DSE: variants seen among roughly 807,000 people sequenced by gnomAD.
The protein encoded by DSE is dermatan sulfate epimerase, also known as dermatan-sulfate epimerase.
In DSE, 36 loss-of-function variants were observed where a neutral mutation model predicts 84.4. That is an observed-to-expected ratio of 0.43 (90% CI 0.33 to 0.56). The LOEUF (loss-of-function observed/expected upper bound fraction) is 0.56, where lower values mean the gene tolerates loss of function less well. Ranked by LOEUF, DSE falls within the 20% of genes least tolerant of loss-of-function variation. The pLI is 0.06. For synonymous variants in DSE, 410 were observed against 430.1 expected (o/e 0.95, Z 0.58); for missense variants, 862 against 1,169.6 (o/e 0.74, Z 3.84).
At chr6:116,369,844 T>TA, upstream of DSE, 1 of 1,173,176 alleles carries the variant, frequency 8.5e-7, no homozygotes, top group Non-Finnish European at 1.1e-6. Flanking sequence ...CCTCTGAGGA[T>TA]AGAGGAATTG....
intron 2 of DSE, among the ~76,000 whole-genome samples, chr6:116,267,730 T>C (rs1203023690): frequency 6.6e-6 from 1 of 152,142 alleles, no homozygotes; most frequent in African/African-American, 2.4e-5. Context: ...TGCCTGAGAC[T>C]GGGTAATTTA....
chr6:116,408,296 T>C (rs1162927274), intron 2 of DSE, among the ~76,000 whole-genome samples: 2 of 152,166 alleles, frequency 1.3e-5, no homozygotes, highest in African/African-American at 4.8e-5. Context: ...GCAAAACTGT[T>C]ATAGGTTGTT....
chr6:116,299,547 TATATACAC>T (rs1166576567), intron 2 of DSE, among the ~76,000 whole-genome samples: 1,093 of 49,892 alleles, frequency 0.022, 46 homozygotes, highest in East Asian at 0.054. Context: ...TATATATATA[TATATACAC>T]ATACACACAC....
chr6:116,407,629 A>G (rs1270183832), intron 2 of DSE, among the ~76,000 whole-genome samples: 1 of 151,972 alleles, frequency 6.6e-6, no homozygotes, highest in Non-Finnish European at 1.5e-5. Context: ...TATGCTCATT[A>G]TTTACCCATA....
chr6:116,431,174 G>A lies in DSE; in HGVS notation c.891G>A (p.Met297Ile), dbSNP rs768909519. The change falls in exon 4 of 6, where the codon ATG becomes ATA. Residue 297 changes from methionine (M) to isoleucine (I), a missense_variant. Physicochemically the swap from Met to Ile is conservative, Grantham distance 10. This residue lies in a region of DSE where 309 missense variants were observed against 516.9 expected (regional missense o/e 0.60). Coordinates refer to ENST00000644252, the MANE Select transcript of DSE (RefSeq NM_013352.4). Reference sequence around the variant, plus strand: ...GGCTTAAACAACACTTTGCATTTATGTATAGAACCATCCTGCCAGGTATAG... The same window carrying A: ...GGCTTAAACAACACTTTGCATTTATATATAGAACCATCCTGCCAGGTATAG... The part of the protein sequence containing the change: ...HPWLKQHFAF[M>I]YRTILPGFQR... 9.3e-6 allele frequency: 15 copies of A among 1,614,166 alleles called. No individual in the cohort carries two copies. The East Asian group carries it at 2.5e-4, about 26-fold the overall frequency.
intron 2 of DSE, among the ~76,000 whole-genome samples, chr6:116,307,552 A>G (rs1021241845): frequency 2.0e-5 from 3 of 152,246 alleles, no homozygotes; most frequent in African/African-American, 7.2e-5. Flanking sequence ...GTTTTTAAAA[A>G]TGAGATGCTG....
rs1182878832 is a variant in DSE at position 116,437,014 on chromosome 6, C to A, written c.2546C>A (p.Pro849His). 7 of 1,613,876 alleles carry A rather than the reference C, an allele frequency of 4.3e-6. No homozygotes were observed. ...CAGATTTTGGCACAGAAAGAACTAC[C>A]CATAGATGAAGATGAAGAAATGAAA... Reference protein sequence around the residue: ...KAQILAQKELPIDEDEEMKDL... With the variant: ...KAQILAQKELHIDEDEEMKDL... Residue 849 changes from proline to histidine, a missense_variant, in exon 6 of 6, where the codon CCC (proline) becomes CAC (histidine). By Grantham distance (77) the Pro-to-His change is moderately conservative. This residue lies in a region of DSE where 315 missense variants were observed against 348.1 expected (regional missense o/e 0.90). Transcript: ENST00000644252.
Position 116,421,463 on chromosome 6 carries a change from A to AT in DSE, c.417-5083dup, listed in dbSNP as rs71012335. On this transcript the variant is annotated intron_variant, in intron 2 of 5. Transcript: ENST00000644252. ...TATACATATATATATATATATATATATTTTTTTTTTTTTTTTTTTTTTTTT... is the reference window on the plus strand; with the variant it reads ...TATACATATATATATATATATATATATTTTTTTTTTTTTTTTTTTTTTTTTT... Among the ~76,000 whole-genome samples, 128 of 61,360 alleles carry AT rather than the reference A, an allele frequency of 2.1e-3. 7 individuals are homozygous for AT. Among genetic ancestry groups the AT allele is most frequent in the Non-Finnish European group, 2.8e-3 (106 of 37,676 alleles). 40.3% of individuals were successfully genotyped at this position (61,360 alleles called of 152,430 possible).
At chr6:116,288,149 T>TACTC (rs779444300) in intron 2 of DSE, 7 of 152,078 alleles carry the variant, frequency 4.6e-5, no homozygotes, top group Admixed American at 2.0e-4. Context: ...ACAGCTCTCC[T>TACTC]ACTCACTAGC....
At chr6:116,263,674 G>C (rs1772504512) in intron 2 of DSE, among the ~76,000 whole-genome samples, 1 of 152,166 alleles carries the variant, frequency 6.6e-6, no homozygotes, top group Non-Finnish European at 1.5e-5. Flanking sequence ...TTGCAGACTT[G>C]TTTATGTGGT....
At chr6:116,307,745 A>G (rs1324181019) in intron 2 of DSE, among the ~76,000 whole-genome samples, 2 of 152,258 alleles carry the variant, frequency 1.3e-5, no homozygotes, top group African/African-American at 4.8e-5. Context: ...TATTGAAAAC[A>G]AAACACTGTG....
At chr6:116,258,816 T>A in exon 2 of DSE, 2 of 1,608,456 alleles carry the variant, frequency 1.2e-6, no homozygotes, top group East Asian at 4.5e-5. Context: ...TGAGCAGGTG[T>A]ATGACCTCGA....
intron 2 of DSE, among the ~76,000 whole-genome samples, chr6:116,339,335 G>A (rs1777454081): frequency 6.7e-6 from 1 of 150,054 alleles, no homozygotes; most frequent in Non-Finnish European, 1.5e-5. Context: ...TTAATCTCAT[G>A]GTTTATTTCA....
intron 1 of DSE, among the ~76,000 whole-genome samples, chr6:116,378,252 G>C (rs771158772): frequency 3.3e-5 from 5 of 152,258 alleles, no homozygotes; most frequent in Admixed American, 2.6e-4. Context: ...TCTGAAAAAG[G>C]CCTTTGAATT....
chr6:116,281,293 G>A (rs1309273528), intron 2 of DSE, among the ~76,000 whole-genome samples: 17 of 152,168 alleles, frequency 1.1e-4, no homozygotes, highest in Admixed American at 1.1e-3. Context: ...TTCAATCCTA[G>A]AGCCTCCAAA....
intron 2 of DSE, among the ~76,000 whole-genome samples, chr6:116,275,980 T>A (rs1169678203): frequency 1.3e-5 from 2 of 152,228 alleles, no homozygotes; most frequent in Non-Finnish European, 1.5e-5. Flanking sequence ...TTATCAGTCC[T>A]TCCCCAGTTC....
chr6:116,370,341 T>A (rs1394783428), upstream of DSE: 2 of 434,838 alleles, frequency 4.6e-6, no homozygotes, highest in African/African-American at 4.3e-5. Context: ...ATTTTGTTGG[T>A]ACAGTAAAAA....
intron 2 of DSE, among the ~76,000 whole-genome samples, chr6:116,344,538 T>C (rs1011287210): frequency 3.8e-5 from 5 of 130,114 alleles, no homozygotes; most frequent in Non-Finnish European, 7.8e-5. Flanking sequence ...CAAACTAAGC[T>C]TCATAAGTGA....
chr6:116,304,495 T>C (rs987859584), intron 2 of DSE, among the ~76,000 whole-genome samples: 4 of 152,232 alleles, frequency 2.6e-5, no homozygotes, highest in African/African-American at 9.6e-5. Context: ...TAGTGAAACA[T>C]TGAATATTTA....
Sources: gnomAD v4.1 joint callset for allele counts (sites outside exome capture counted in the v4.1 genomes callset) on GRCh38, gnomAD v4.1.1 for gene constraint, gnomAD v4.1.1 regional missense constraint, MANE v1.5 for transcripts, NCBI Gene and HGNC (gene_info 2026-07-23, HGNC 2026-07-21) for gene names.